The following GBE1 variants were observed in gnomAD, a reference collection of about 807,000 sequenced individuals.
GBE1 encodes the protein 1,4-alpha-glucan branching enzyme 1.
In GBE1, 70 loss-of-function variants were observed where a neutral mutation model predicts 88.8. The observed-to-expected ratio is 0.79, with a 90% CI of 0.65 to 0.96. The LOEUF is 0.96. Ranked by LOEUF, GBE1 falls within the 40% of genes least tolerant of loss-of-function variation. GBE1 has a pLI of 0.00. For missense variants in GBE1, 872 were observed against 871.0 expected (o/e 1.00, Z -0.01); for synonymous variants, 284 against 300.1 (o/e 0.95, Z 0.56).
chr3:81,542,550 C>T (rs1283964434), intron 12 of GBE1, among the ~76,000 whole-genome samples: 1 of 152,038 alleles, frequency 6.6e-6, no homozygotes, highest in African/African-American at 2.4e-5. Context: ...TAGGATTCTA[C>T]TTTAAAAGTA....
chr3:81,755,753 T>A (rs911968856), intron 1 of GBE1, among the ~76,000 whole-genome samples: 4 of 152,092 alleles, frequency 2.6e-5, no homozygotes, highest in Non-Finnish European at 4.4e-5. Context: ...CTCACTCATA[T>A]GCAGAAGCTA....
chr3:81,662,707 AC>A (rs1294417695), intron 3 of GBE1, among the ~76,000 whole-genome samples: 2 of 151,774 alleles, frequency 1.3e-5, no homozygotes, highest in Non-Finnish European at 2.9e-5. Flanking sequence ...TACCAATGTT[AC>A]TTTAAATGCC....
intron 12 of GBE1, among the ~76,000 whole-genome samples, chr3:81,548,689 G>A (rs1312112179): frequency 6.6e-6 from 1 of 151,016 alleles, no homozygotes; most frequent in Non-Finnish European, 1.5e-5. Context: ...ACAGGACTTT[G>A]ATAGTTGCTC....
intron 1 of GBE1, among the ~76,000 whole-genome samples, chr3:81,748,208 C>A (rs1282269804): frequency 1.3e-5 from 2 of 152,086 alleles, no homozygotes; most frequent in Admixed American, 6.6e-5. Context: ...CCAAAGAAAA[C>A]GTACAAATAG....
chr3:81,761,251 C>T, intron 1 of GBE1, 124 bp downstream of exon 1: 3 of 1,311,360 alleles, frequency 2.3e-6, no homozygotes, highest in Non-Finnish European at 3.1e-6. Context: ...GCCCCGCCCA[C>T]TCAGGTTCCT....
At chr3:81,558,077 G>T (rs1703371712) in intron 12 of GBE1, among the ~76,000 whole-genome samples, 1 of 151,860 alleles carries the variant, frequency 6.6e-6, no homozygotes, top group Admixed American at 6.6e-5. Flanking sequence ...ATATAATGAA[G>T]TTTGGCAAAT....
chr3:81,552,977 T>C lies in GBE1; in HGVS notation c.1619-15882A>G, dbSNP rs78061036. ...AAAGTAATGTGACTTTCTAAGGTTA[T>C]ACAGGTATGAAGTATCAAGACTAGT... On this transcript the variant is annotated intron_variant, in intron 12 of 15. Coordinates refer to ENST00000429644, the MANE Select transcript of GBE1 (RefSeq NM_000158.4). Among the ~76,000 whole-genome samples, 181 of 152,334 alleles carry C rather than the reference T, an allele frequency of 1.2e-3. 1 individual carries two copies. The East Asian group carries it at 0.017, about 15-fold the overall frequency.
At chr3:81,666,626 C>G (rs1446448554) in intron 3 of GBE1, among the ~76,000 whole-genome samples, 1 of 152,072 alleles carries the variant, frequency 6.6e-6, no homozygotes, top group Non-Finnish European at 1.5e-5. Flanking sequence ...TCTGTAAGTT[C>G]AGGAAACTAT....
At chr3:81,710,129 C>T (rs900490274) in intron 1 of GBE1, among the ~76,000 whole-genome samples, 1 of 150,972 alleles carries the variant, frequency 6.6e-6, no homozygotes, top group African/African-American at 2.4e-5. Flanking sequence ...CATCACACAT[C>T]ATTAATCACA....
intron 12 of GBE1, among the ~76,000 whole-genome samples, chr3:81,551,515 A>C (rs1280765090): frequency 6.6e-6 from 1 of 152,122 alleles, no homozygotes; most frequent in Non-Finnish European, 1.5e-5. Flanking sequence ...TGCATATCTG[A>C]TTGCCTCCCT....
intron 1 of GBE1, among the ~76,000 whole-genome samples, chr3:81,712,679 AG>A (rs1705886045): frequency 6.6e-6 from 1 of 152,166 alleles, no homozygotes; most frequent in South Asian, 2.1e-4. Flanking sequence ...GGATAGCATT[AG>A]GAAATATACC....
At chr3:81,699,742 G>T (rs1472393864) in intron 2 of GBE1, among the ~76,000 whole-genome samples, 1 of 152,022 alleles carries the variant, frequency 6.6e-6, no homozygotes, top group African/African-American at 2.4e-5. Context: ...ATTAAGGGTG[G>T]ATCTGCCTTC....
Position 81,578,563 on chromosome 3 carries a change from A to T in GBE1, c.1447-467T>A, listed in dbSNP as rs149222789. 2.0e-5 allele frequency among the ~76,000 whole-genome samples: 3 copies of T among 151,568 alleles called. No individual in the cohort carries two copies. The East Asian group carries it at 5.8e-4, about 29-fold the overall frequency. On this transcript the variant is annotated intron_variant, in intron 11 of 15. Coordinates refer to ENST00000429644, the MANE Select transcript of GBE1 (RefSeq NM_000158.4). ...TATGAGTAATATAATATGTGTATAA[A>T]TATATCACAATAGTTCCTTCCTGCC...
In GBE1 at chr3:81,649,799, A is replaced by G. The variant is rs1576185089; in HGVS notation, c.552T>C (p.Tyr184=). Reference sequence around the variant, plus strand: ...TTTAAAGATTTGTTGTTCTCACCTCATATGAGTGTTCTGGATCCCAGTGTA... The same window carrying G: ...TTTAAAGATTTGTTGTTCTCACCTCGTATGAGTGTTCTGGATCCCAGTGTA... ...DWIHWDPEHS[Y]EFKHSRPKKP... Residue 184 remains tyrosine, a synonymous_variant, in exon 4 of 16, where the codon TAT becomes TAC. Transcript: ENST00000429644. 1 of 1,606,932 alleles carries G rather than the reference A, an allele frequency of 6.2e-7. No individual in the cohort carries two copies. The highest frequency in any genetic ancestry group is 8.5e-7 in the Non-Finnish European group (1 of 1,176,366).
rs565636396 is a variant in GBE1, at chr3:81,718,694, T to C, written c.144-13081A>G. Among the ~76,000 whole-genome samples the C allele has an allele frequency of 2.6e-5, 4 of 152,254 alleles. No individual in the cohort carries two copies. The East Asian group carries it at 7.7e-4, about 29-fold the overall frequency. ...TCTTGTTGCCCAGGCTGGAGTGAAA[T>C]GGCACAATCTTGGCTCACCGCAACC... On this transcript the variant is annotated intron_variant, in intron 1 of 15. Coordinates refer to ENST00000429644, the MANE Select transcript of GBE1 (RefSeq NM_000158.4).
At chr3:81,708,998 T>C (rs1269778185) in intron 1 of GBE1, among the ~76,000 whole-genome samples, 3 of 152,072 alleles carry the variant, frequency 2.0e-5, no homozygotes, top group South Asian at 4.1e-4. Flanking sequence ...AAACACAAAA[T>C]TGCAAAGCTG....
intron 13 of GBE1, 112 bp downstream of exon 13, chr3:81,536,799 C>T: frequency 1.3e-6 from 1 of 778,984 alleles, no homozygotes; most frequent in Non-Finnish European, 2.0e-6. Flanking sequence ...ACACTAGACA[C>T]TGAATAATAA....
intron 1 of GBE1, among the ~76,000 whole-genome samples, chr3:81,735,927 T>G (rs1273419614): frequency 6.6e-6 from 1 of 152,160 alleles, no homozygotes; most frequent in African/African-American, 2.4e-5. Flanking sequence ...TTATAACCAA[T>G]TAGCCACGAC....
intron 3 of GBE1, among the ~76,000 whole-genome samples, chr3:81,666,786 A>C (rs1705119293): frequency 6.6e-6 from 1 of 152,214 alleles, no homozygotes; most frequent in South Asian, 2.1e-4. Flanking sequence ...TCTAGAAAAT[A>C]ATTTTAAGGA....
Sources: gnomAD v4.1 joint callset for allele counts (sites outside exome capture counted in the v4.1 genomes callset) on GRCh38, gnomAD v4.1.1 for gene constraint, MANE v1.5 for transcripts, NCBI Gene and HGNC (gene_info 2026-07-23, HGNC 2026-07-21) for gene names.